The following UGGT2 variants were observed in gnomAD, a reference collection of about 807,000 sequenced individuals.
UGGT2 encodes the protein UDP-glucose:glycoprotein glucosyltransferase 2.
In UGGT2, 180 loss-of-function variants were observed where a neutral mutation model predicts 192.1. The ratio of observed to expected loss-of-function variants is 0.94; its 90% CI spans 0.83 to 1.06. UGGT2 has a LOEUF of 1.06. Among genes scored for constraint, UGGT2 ranks in the 50% least tolerant of loss-of-function variants. The pLI, the probability that UGGT2 is intolerant of heterozygous loss-of-function variation, is 0.00. For missense variants in UGGT2, 1,849 were observed against 1,795.7 expected (o/e 1.03, Z -0.54); for synonymous variants, 580 against 591.0 (o/e 0.98, Z 0.27).
At chr13:95,827,135 A>C (rs763921142) in intron 38 of UGGT2, among the ~76,000 whole-genome samples, 2 of 152,176 alleles carry the variant, frequency 1.3e-5, no homozygotes, top group Non-Finnish European at 2.9e-5. Context: ...CTAGAAAAAA[A>C]CAGGCAAATG....
At chr13:95,916,454 G>A (rs2048684799) in intron 20 of UGGT2, among the ~76,000 whole-genome samples, 1 of 152,110 alleles carries the variant, frequency 6.6e-6, no homozygotes, top group Non-Finnish European at 1.5e-5. Flanking sequence ...AAAAATCAAA[G>A]CAAAAATGCT....
intron 22 of UGGT2, among the ~76,000 whole-genome samples, chr13:95,899,303 G>T (rs2048035964): frequency 6.6e-6 from 1 of 152,118 alleles, no homozygotes; most frequent in Admixed American, 6.5e-5. Flanking sequence ...ACATACTTAA[G>T]ATAGATGCCT....
At chr13:95,811,658 A>G (rs774642925) in intron 38 of UGGT2, among the ~76,000 whole-genome samples, 1 of 152,200 alleles carries the variant, frequency 6.6e-6, no homozygotes, top group Non-Finnish European at 1.5e-5. Context: ...TTAAAATGCA[A>G]ATAGAAACAA....
intron 38 of UGGT2, chr13:95,809,475 T>G (rs1330988816): frequency 5.6e-6 from 2 of 357,766 alleles, no homozygotes; most frequent in Non-Finnish European, 1.1e-5. Context: ...TGTCTGGAGA[T>G]TTACCCTTTT....
chr13:95,972,623 T>G lies in UGGT2; in HGVS notation c.1141A>C (p.Ile381Leu). ...TCCATATCAACACGAAGGCCATTTA[T>G]AAATAGACGAGCATCGCCTGGCTGA... The part of the protein sequence containing the change: ...KIQPGDARLF[I>L]NGLRVDMDVY... Residue 381 changes from isoleucine to leucine, a missense_variant, in exon 11 of 39, where the codon ATA (isoleucine) becomes CTA (leucine). Ile to Leu is a conservative substitution (Grantham distance 5, BLOSUM62 2). Transcript: ENST00000376747. 6.2e-7 allele frequency: 1 copy of G among 1,613,868 alleles called. No homozygotes were observed. The highest frequency in any genetic ancestry group is 8.5e-7 in the Non-Finnish European group (1 of 1,179,860).
intron 15 of UGGT2, among the ~76,000 whole-genome samples, chr13:95,940,740 C>T (rs2049648695): frequency 6.6e-6 from 1 of 150,970 alleles, no homozygotes; most frequent in African/African-American, 2.4e-5. Flanking sequence ...CAGGAACTTG[C>T]CACCACATCT....
Position 95,902,951 on chromosome 13 carries a change from T to C in UGGT2, c.2405A>G (p.Lys802Arg), listed in dbSNP as rs1482194866. The C allele has an allele frequency of 1.9e-6, 3 of 1,613,506 alleles. No individual in the cohort carries two copies. Among genetic ancestry groups the C allele is most frequent in the East Asian group, 4.5e-5 (2 of 44,810 alleles). The change falls in exon 21 of 39, where the codon AAG becomes AGG. Residue 802 changes from lysine to arginine, a missense_variant. Physicochemically the swap from Lys to Arg is conservative, Grantham distance 26. Transcript: ENST00000376747. ...RGILAAFLTQKNMFLRSFLGQ... is the reference protein window; with the variant it reads ...RGILAAFLTQRNMFLRSFLGQ... ...AAGAAAGCTTCTCAAAAACATGTTC[T>C]TCTGTGTAAGAAAAGCTGCCAAAAT...
In UGGT2 at chr13:96,041,860, G is replaced by A. The variant is rs1325510603; in HGVS notation, c.159-9889C>T. Among the ~76,000 whole-genome samples the A allele has an allele frequency of 2.0e-5, 3 of 151,682 alleles. No individual in the cohort carries two copies. The East Asian group carries it at 5.8e-4, about 29-fold the overall frequency. Reference sequence around the variant, plus strand: ...CCCACCCCCATCCCCCACAGCAGTTGCAACAAGACCCACCCAAGGACAGTC... The same window carrying A: ...CCCACCCCCATCCCCCACAGCAGTTACAACAAGACCCACCCAAGGACAGTC... On this transcript the variant is annotated intron_variant, in intron 1 of 38. Coordinates refer to ENST00000376747, the MANE Select transcript of UGGT2 (RefSeq NM_020121.4).
chr13:95,965,272 C>T (rs2050534140), intron 12 of UGGT2, among the ~76,000 whole-genome samples: 1 of 150,538 alleles, frequency 6.6e-6, no homozygotes, highest in African/African-American at 2.5e-5. Flanking sequence ...AATCATGCTG[C>T]TATAAAGACA....
chr13:95,863,541 T>A (rs1412212393), intron 31 of UGGT2, 88 bp downstream of exon 31: 1 of 1,010,560 alleles, frequency 9.9e-7, no homozygotes, highest in East Asian at 2.4e-5. Flanking sequence ...ACCTTTGCCT[T>A]ACTTAAATTT....
chr13:96,011,774 C>T (rs948631976), intron 5 of UGGT2, among the ~76,000 whole-genome samples: 1 of 151,984 alleles, frequency 6.6e-6, no homozygotes, highest in East Asian at 1.9e-4. Context: ...ATTGTTGAAA[C>T]CCAACATTGT....
At chr13:95,942,113 C>T (rs1354699768) in intron 15 of UGGT2, among the ~76,000 whole-genome samples, 1 of 130,770 alleles carries the variant, frequency 7.6e-6, no homozygotes, top group African/African-American at 2.7e-5. Flanking sequence ...TATTTTGCTA[C>T]TGATATGTAT....
At chr13:95,961,723 A>G (rs1380409999) in intron 12 of UGGT2, among the ~76,000 whole-genome samples, 6 of 152,282 alleles carry the variant, frequency 3.9e-5, no homozygotes, top group Non-Finnish European at 8.8e-5. Context: ...TTTAAAATGT[A>G]CATTTGATGA....
At chr13:95,989,500 A>C (rs2051393168) in intron 8 of UGGT2, 1 of 294,600 alleles carries the variant, frequency 3.4e-6, no homozygotes, top group African/African-American at 2.2e-5. Context: ...GTAGGTTTTC[A>C]GTACAGAAGC....
At chr13:95,863,953 A>G (rs1256784759) in intron 30 of UGGT2, among the ~76,000 whole-genome samples, 1 of 152,072 alleles carries the variant, frequency 6.6e-6, no homozygotes, top group Non-Finnish European at 1.5e-5. Context: ...TAATGTGCTT[A>G]CCCTTGTGTT....
chr13:95,989,502 T>C (rs2140894401), intron 8 of UGGT2: 2 of 333,382 alleles, frequency 6.0e-6, no homozygotes, highest in South Asian at 4.8e-5. Context: ...AGGTTTTCAG[T>C]ACAGAAGCTG....
At chr13:95,906,758 G>C (rs2048304226) in intron 20 of UGGT2, among the ~76,000 whole-genome samples, 1 of 152,174 alleles carries the variant, frequency 6.6e-6, no homozygotes, top group Admixed American at 6.5e-5. Context: ...TAACAATAAA[G>C]GCTAACTTCT....
At chr13:95,945,372 C>T (rs1460259396) in intron 15 of UGGT2, among the ~76,000 whole-genome samples, 1 of 152,036 alleles carries the variant, frequency 6.6e-6, no homozygotes, top group African/African-American at 2.4e-5. Flanking sequence ...TTCTCCTTCT[C>T]CCTCTCCTTC....
At chr13:95,944,844 T>C (rs1201547101) in intron 15 of UGGT2, among the ~76,000 whole-genome samples, 2 of 152,040 alleles carry the variant, frequency 1.3e-5, no homozygotes, top group Admixed American at 6.6e-5. Context: ...TGTTAAAATC[T>C]TATATATTTT....
Sources: gnomAD v4.1 joint callset for allele counts (sites outside exome capture counted in the v4.1 genomes callset) on GRCh38, gnomAD v4.1.1 for gene constraint, MANE v1.5 for transcripts, NCBI Gene and HGNC (gene_info 2026-07-23, HGNC 2026-07-21) for gene names.